PTCH1: variants seen among roughly 807,000 people sequenced by gnomAD.
The protein encoded by PTCH1 is patched 1.
A neutral mutation model predicts 144.6 loss-of-function variants in PTCH1; 14 were observed. The observed-to-expected ratio is 0.10, with a 90% CI of 0.06 to 0.15. PTCH1 has a LOEUF of 0.15. Ranked by LOEUF, PTCH1 falls within the 10% of genes least tolerant of loss-of-function variation. The probability of loss-of-function intolerance (pLI) is 1.00; values close to 1 mark genes in which losing one functional copy is unlikely to be tolerated. For missense variants in PTCH1, 1,623 were observed against 1,948.3 expected, an observed-to-expected ratio of 0.83 and a Z score of 3.14; for synonymous variants, 833 against 793.6, an observed-to-expected ratio of 1.05 and a Z score of -0.83.
At chr9:95,460,346 C>G (rs1839352355) in intron 16 of PTCH1, among the ~76,000 whole-genome samples, 1 of 152,196 alleles carries the variant, frequency 6.6e-6, no homozygotes, top group Admixed American at 6.5e-5. Context: ...TGATCTTATT[C>G]CCGGAGGTCG....
intron 2 of PTCH1, among the ~76,000 whole-genome samples, chr9:95,494,093 C>G (rs1176230567): frequency 6.6e-6 from 1 of 152,156 alleles, no homozygotes; most frequent in African/African-American, 2.4e-5. Flanking sequence ...CGGGACCGCA[C>G]GGGGCATGTG....
At chr9:95,502,055 G>A (rs149308436) in intron 2 of PTCH1, among the ~76,000 whole-genome samples, 1 of 152,156 alleles carries the variant, frequency 6.6e-6, no homozygotes, top group Non-Finnish European at 1.5e-5. Context: ...GACGAGCCCA[G>A]CTTCCAGGCT....
In PTCH1 at chr9:95,480,324, G is replaced by A. The variant is rs142191645; in HGVS notation, c.945+66C>T. The A allele has an allele frequency of 4.0e-4, 630 of 1,572,330 alleles. 1 individual carries two copies. Among genetic ancestry groups the A allele is most frequent in the Non-Finnish European group, 5.1e-4 (588 of 1,147,466 alleles). On this transcript the variant is annotated intron_variant, in intron 6 of 23. Transcript: ENST00000331920. ...TAAAAATGAAAATAATAAAGTGAAC[G>A]ATGAATGGACACAAAAAAGTGTTTT... is the stretch of plus-strand genomic sequence containing the variant.
At chr9:95,513,321 G>A (rs768125061), upstream of PTCH1, among the ~76,000 whole-genome samples, 4 of 152,184 alleles carry the variant, frequency 2.6e-5, no homozygotes, top group Non-Finnish European at 5.9e-5. Flanking sequence ...AGGGGTTAAT[G>A]TATTCCAGTA....
At chr9:95,478,667 C>T (rs578163244) in intron 8 of PTCH1, among the ~76,000 whole-genome samples, 1 of 152,296 alleles carries the variant, frequency 6.6e-6, no homozygotes, top group South Asian at 2.1e-4. Context: ...GACCAAGGGG[C>T]CTGCAGCTGT....
chr9:95,507,975 A>C (rs1313813568), intron 1 of PTCH1, 186 bp downstream of exon 1: 1 of 1,490,528 alleles, frequency 6.7e-7, no homozygotes, highest in East Asian at 2.5e-5. Flanking sequence ...TCCTCCCAGG[A>C]CCAGAGGGAG....
intron 16 of PTCH1, among the ~76,000 whole-genome samples, chr9:95,461,588 C>T (rs1394607629): frequency 2.0e-5 from 3 of 152,210 alleles, no homozygotes; most frequent in African/African-American, 7.2e-5. Flanking sequence ...CTCTTGGCTG[C>T]ACTTTATTCT....
At position 95,447,088 on chromosome 9, in the gene PTCH1, C is replaced by G. The variant is rs1239904766; in HGVS notation, c.4168G>C (p.Gly1390Arg). Residue 1390 changes from glycine to arginine, a missense_variant, in exon 23 of 24, where the codon GGG (glycine) becomes CGG (arginine). By Grantham distance (125) the Gly-to-Arg change is moderately radical. Around this residue, in one of 7 missense-constraint regions of PTCH1, gnomAD observed 291 missense variants for 287.4 expected, o/e 1.01. Coordinates refer to ENST00000331920, the MANE Select transcript of PTCH1 (RefSeq NM_000264.5). Reference sequence around the variant, plus strand: ...CAGAGTCCCCCTCGGGGGTTCCGCCCAGGCCCAGGGACAGGCGGCGGGTGC... The same window carrying G: ...CAGAGTCCCCCTCGGGGGTTCCGCCGAGGCCCAGGGACAGGCGGCGGGTGC... ...AVHPPPVPGP[G>R]RNPRGGLCPG... 2 of 1,613,928 alleles carry G rather than the reference C, an allele frequency of 1.2e-6. No homozygotes were observed. Among genetic ancestry groups the G allele is most frequent in the Non-Finnish European group, 1.7e-6 (2 of 1,180,018 alleles).
At chr9:95,461,264 G>A (rs925924719) in intron 16 of PTCH1, among the ~76,000 whole-genome samples, 1 of 152,104 alleles carries the variant, frequency 6.6e-6, no homozygotes, top group Non-Finnish European at 1.5e-5. Flanking sequence ...CTGCAGGAGT[G>A]AGCAGAATGG....
Position 95,458,424 on chromosome 9 carries a change from G to A in PTCH1, c.2888-131C>T. The A allele has an allele frequency of 3.4e-6, 4 of 1,182,042 alleles. No individual in the cohort carries two copies. The highest frequency in any genetic ancestry group is 4.9e-6 in the Non-Finnish European group (4 of 816,452). The allele number at this position is 1,182,042 out of a possible 1,614,324, so 73.2% of individuals were successfully genotyped here. On this transcript the variant is annotated intron_variant, in intron 17 of 23. Coordinates refer to ENST00000331920, the MANE Select transcript of PTCH1 (RefSeq NM_000264.5). This position sits in a 1 kb window ranked among gnomAD's most constrained non-coding sequence, Gnocchi z 4.7. Reference sequence around the variant, plus strand: ...CTACATGATACAAAGAACAAACAATGCTGATCATAGCCTCCAGGCCTTTAC... The same window carrying A: ...CTACATGATACAAAGAACAAACAATACTGATCATAGCCTCCAGGCCTTTAC...
intron 22 of PTCH1, among the ~76,000 whole-genome samples, chr9:95,447,896 C>T (rs528779561): frequency 3.5e-4 from 53 of 152,342 alleles, no homozygotes; most frequent in African/African-American, 1.2e-3. Flanking sequence ...CCGCTCCAGA[C>T]ATGTGGTTGC....
Position 95,508,215 on chromosome 9 carries a change from A to G in PTCH1, c.147T>C (p.Tyr49=), listed in dbSNP as rs141976046. 40 of 1,611,880 alleles carry G rather than the reference A, an allele frequency of 2.5e-5. No individual in the cohort carries two copies. In the African/African-American group the frequency reaches 4.9e-4, roughly 20 times the overall value. The part of the protein sequence containing the change: ...LRRAAAPDRD[Y]LHRPSYCDAA... The stretch of plus-strand genomic sequence containing the variant: ...CGTCGCAGTAGCTGGGCCGGTGCAG[A>G]TAGTCCCGGTCCGGCGCGGCAGCAC... The change falls in exon 1 of 24, where the codon TAT becomes TAC. Residue 49 remains tyrosine (Y), a synonymous_variant. Transcript: ENST00000331920.
intron 12 of PTCH1, among the ~76,000 whole-genome samples, chr9:95,473,736 G>A (rs1334976336): frequency 2.0e-5 from 3 of 151,856 alleles, no homozygotes; most frequent in African/African-American, 7.3e-5. Context: ...TAGAGACGGG[G>A]TTTCACCATG....
In PTCH1 at chr9:95,506,500, A is replaced by C. The variant is rs2118877577; in HGVS notation, c.301T>G (p.Phe101Val). ...AATATGAGGAGGCCCACAACCAAGA[A>C]CTTGCCGCAGTTTTTTTGAATGTAA... Reference protein sequence around the residue: ...GCYIQKNCGKFLVVGLLIFGA... With the variant: ...GCYIQKNCGKVLVVGLLIFGA... Residue 101 changes from phenylalanine (F) to valine (V), a missense_variant, in exon 2 of 24, where the codon TTC becomes GTC. Physicochemically the swap from Phe to Val is conservative, Grantham distance 50. This residue lies in a region of PTCH1 where 245 missense variants were observed against 240.6 expected (regional missense o/e 1.02). Coordinates refer to ENST00000331920, the MANE Select transcript of PTCH1 (RefSeq NM_000264.5). The C allele has an allele frequency of 6.2e-7, 1 of 1,613,662 alleles. No homozygotes were observed. Among genetic ancestry groups the C allele is most frequent in the Non-Finnish European group, 8.5e-7 (1 of 1,179,786 alleles).
In PTCH1 at chr9:95,448,350, C is replaced by A. The variant is rs985959436; in HGVS notation, c.3804+719G>T. Among the ~76,000 whole-genome samples the A allele has an allele frequency of 2.6e-5, 4 of 152,202 alleles. No individual in the cohort carries two copies. In the South Asian group the frequency reaches 8.3e-4, roughly 31 times the overall value. On this transcript the variant is annotated intron_variant, in intron 22 of 23. Coordinates refer to ENST00000331920, the MANE Select transcript of PTCH1 (RefSeq NM_000264.5). ...TTTCCTGGAGGGACAGCAGGGGGCC[C>A]TCAGTGGAGCAACATCAGCCCAGAA... is the stretch of plus-strand genomic sequence containing the variant.
At chr9:95,459,005 C>T (rs929495445) in intron 17 of PTCH1, among the ~76,000 whole-genome samples, 4 of 152,332 alleles carry the variant, frequency 2.6e-5, no homozygotes, top group Admixed American at 1.3e-4. Flanking sequence ...TTCTCACATC[C>T]TCCCTTGGCC....
upstream of PTCH1, among the ~76,000 whole-genome samples, chr9:95,513,197 G>T (rs536779420): frequency 1.7e-4 from 26 of 152,296 alleles, no homozygotes; most frequent in South Asian, 5.4e-3. Flanking sequence ...AGACTTGGTG[G>T]AGTTATGAAA....
chr9:95,485,410 T>C (rs1018549953), intron 3 of PTCH1, among the ~76,000 whole-genome samples: 1 of 152,162 alleles, frequency 6.6e-6, no homozygotes. Flanking sequence ...CCTGGGTGTA[T>C]AGTCCCCAAG....
At chr9:95,489,295 C>G (rs1842208633) in intron 2 of PTCH1, among the ~76,000 whole-genome samples, 1 of 152,174 alleles carries the variant, frequency 6.6e-6, no homozygotes, top group Non-Finnish European at 1.5e-5. Context: ...CCCACAGAAC[C>G]CATTTTAGAT....
Sources: allele counts gnomAD v4.1 joint callset (sites outside exome capture counted in the v4.1 genomes callset), GRCh38; gene constraint gnomAD v4.1.1; regional missense constraint gnomAD v4.1.1; non-coding constraint Gnocchi (gnomAD v3.1); transcripts MANE v1.5; gene names NCBI Gene and HGNC (gene_info 2026-07-23, HGNC 2026-07-21).